The following ATRX variants were observed in gnomAD, a reference collection of about 807,000 sequenced individuals.
ATRX encodes the protein chromatin remodeler ATRX.
ATRX carries 12 observed loss-of-function variants against 172.6 expected under a neutral mutation model. The observed-to-expected ratio is 0.07, with a 90% CI of 0.04 to 0.11. The LOEUF (loss-of-function observed/expected upper bound fraction) is 0.11. Ranked by LOEUF, ATRX falls within the 10% of genes least tolerant of loss-of-function variation. The pLI, the probability that ATRX is intolerant of heterozygous loss-of-function variation, is 1.00. For missense variants in ATRX, 1,368 were observed against 1,767.4 expected (o/e 0.77, Z 4.05); for synonymous variants, 674 against 594.7 (o/e 1.13, Z -1.94).
intron 19 of ATRX, among the ~76,000 whole-genome samples, chrX:77,622,655 A>G (rs1044527476): frequency 9.0e-6 from 1 of 111,612 alleles, no homozygotes; most frequent in Non-Finnish European, 1.9e-5. Context: ...GCGCAAATCC[A>G]GATTGCAGAC....
chrX:77,528,056 C>T (rs1477043437), intron 30 of ATRX, among the ~76,000 whole-genome samples: 1 of 105,564 alleles, frequency 9.5e-6, no homozygotes, highest in Non-Finnish European at 2.0e-5. Context: ...GGGTGGGGGG[C>T]GGCTGATATC....
chrX:77,666,824 C>T (rs1557126490), intron 10 of ATRX, among the ~76,000 whole-genome samples: 1 of 111,476 alleles, frequency 9.0e-6, no homozygotes, highest in African/African-American at 3.3e-5. Context: ...CATGCCATTG[C>T]ACTCCAACCT....
rs2068262609 is a variant in ATRX at position 77,634,646 on chromosome X, G to A, written c.4757C>T (p.Pro1586Leu). The A allele has an allele frequency of 8.3e-7, 1 of 1,211,221 alleles. No individual in the cohort carries two copies. Among genetic ancestry groups the A allele is most frequent in the Admixed American group, 2.2e-5 (1 of 45,995 alleles). The change falls in exon 17 of 35, where the codon CCA becomes CTA. Residue 1586 changes from proline to leucine, a missense_variant. Transcript: ENST00000373344. ...GTGGGCAAGAATGCATCCTGAACCT[G>A]GAGATTTCTTTGTTTTTTTCACAGA... ...CESVKKTKKS[P>L]GSGCILAHCM...
chrX:77,569,138 C>A (rs782547339), intron 28 of ATRX, among the ~76,000 whole-genome samples: 5 of 109,891 alleles, frequency 4.5e-5, no homozygotes, highest in South Asian at 4.0e-4. Context: ...CAAAAACAAC[C>A]CCCCCACCCA....
chrX:77,524,747 CTT>C (rs781866146), intron 30 of ATRX, among the ~76,000 whole-genome samples: 29 of 95,096 alleles, frequency 3.0e-4, no homozygotes, highest in Middle Eastern at 5.1e-3. Context: ...CTTTATAATT[CTT>C]TTTTTTTTTT....
intron 13 of ATRX, among the ~76,000 whole-genome samples, chrX:77,656,219 T>C (rs1366117749): frequency 9.0e-6 from 1 of 111,640 alleles, no homozygotes; most frequent in Non-Finnish European, 1.9e-5. Flanking sequence ...GCATAGATTA[T>C]TTATACAAAC....
In ATRX at chrX:77,746,801, G is replaced by C. The variant is rs1198368844; in HGVS notation, c.21-29558C>G. The stretch of plus-strand genomic sequence containing the variant: ...ATTTTCTAATTGTACATGATTTTTT[G>C]AAAAACCCTTTTTTTGAGATGGAGT... On this transcript the variant is annotated intron_variant, in intron 1 of 34. Coordinates refer to ENST00000373344, the MANE Select transcript of ATRX (RefSeq NM_000489.6). 8.1e-5 allele frequency among the ~76,000 whole-genome samples: 9 copies of C among 111,063 alleles called. No homozygotes were observed. The Admixed American group carries it at 8.6e-4, about 11-fold the overall frequency.
chrX:77,550,395 G>C (rs1282456942), intron 30 of ATRX, among the ~76,000 whole-genome samples: 1 of 111,702 alleles, frequency 9.0e-6, no homozygotes, highest in African/African-American at 3.3e-5. Flanking sequence ...ATGCAGAAAA[G>C]GCCTTTGACA....
intron 2 of ATRX, among the ~76,000 whole-genome samples, chrX:77,708,881 C>A (rs1435115355): frequency 9.0e-6 from 1 of 111,558 alleles, no homozygotes; most frequent in Non-Finnish European, 1.9e-5. Context: ...AATTGTATGG[C>A]ATGTAAATTA....
intron 22 of ATRX, among the ~76,000 whole-genome samples, chrX:77,601,356 A>G (rs2066666160): frequency 9.2e-6 from 1 of 108,370 alleles, no homozygotes. Context: ...ATAGCCCTAG[A>G]TACCCTAGAT....
intron 26 of ATRX, among the ~76,000 whole-genome samples, chrX:77,590,740 C>T (rs782199233): frequency 4.5e-4 from 50 of 111,206 alleles, no homozygotes; most frequent in South Asian, 2.2e-3. Context: ...AACTGCATAC[C>T]TTATGCAAAA....
intron 30 of ATRX, among the ~76,000 whole-genome samples, chrX:77,523,752 T>C (rs782425299): frequency 2.6e-3 from 294 of 111,818 alleles, no homozygotes; most frequent in Non-Finnish European, 4.4e-3. Context: ...AGTGACTATA[T>C]TGGATGCCTG....
chrX:77,654,138 C>T lies in ATRX; in HGVS notation c.4277G>A (p.Arg1426Gln), dbSNP rs1557118717. 8.3e-7 allele frequency: 1 copy of T among 1,210,503 alleles called. No individual in the cohort carries two copies. Among genetic ancestry groups the T allele is most frequent in the Non-Finnish European group, 1.1e-6 (1 of 894,678 alleles). Residue 1426 changes from arginine to glutamine, a missense_variant, in exon 14 of 35, where the codon CGA (arginine) becomes CAA (glutamine). By Grantham distance (43) the Arg-to-Gln change is conservative. This residue lies in a region of ATRX where 119 missense variants were observed against 131.3 expected (regional missense o/e 0.91). Transcript: ENST00000373344. ...QRSYKQKKKR[R>Q]RIKVQEDSSS... ...TGAATCTTCTTGAACCTTAATACGTCGCCTTTTCTTTTTCTGTTTATAGCT... is the reference window on the plus strand; with the variant it reads ...TGAATCTTCTTGAACCTTAATACGTTGCCTTTTCTTTTTCTGTTTATAGCT...
intron 15 of ATRX, among the ~76,000 whole-genome samples, chrX:77,640,850 T>G (rs1379084862): frequency 9.0e-6 from 1 of 111,555 alleles, no homozygotes; most frequent in African/African-American, 3.3e-5. Context: ...AGGATTCACT[T>G]TGAGTCATAG....
intron 9 of ATRX, among the ~76,000 whole-genome samples, chrX:77,679,542 T>C (rs1439991870): frequency 8.9e-6 from 1 of 111,916 alleles, no homozygotes; most frequent in African/African-American, 3.2e-5. Context: ...TAAGGCCTAA[T>C]GAATTCATAT....
chrX:77,754,010 A>G (rs1463641760), intron 1 of ATRX, among the ~76,000 whole-genome samples: 1 of 111,766 alleles, frequency 8.9e-6, no homozygotes, highest in African/African-American at 3.3e-5. Context: ...TGCTTTATGA[A>G]TCTGGGTGCT....
intron 30 of ATRX, among the ~76,000 whole-genome samples, chrX:77,537,662 C>A (rs190123930): frequency 6.5e-4 from 70 of 107,608 alleles, no homozygotes; most frequent in African/African-American, 2.4e-3. Flanking sequence ...TAGTGAGACT[C>A]TATCTCTTAA....
At chrX:77,709,643 G>A (rs1415809470) in intron 2 of ATRX, among the ~76,000 whole-genome samples, 3 of 65,203 alleles carry the variant, frequency 4.6e-5, no homozygotes, top group East Asian at 9.4e-4. Context: ...GTCCAATGGA[G>A]TAAAAAAAAA....
chrX:77,713,148 A>C (rs182585065), intron 2 of ATRX, among the ~76,000 whole-genome samples: 1 of 111,569 alleles, frequency 9.0e-6, no homozygotes, highest in Admixed American at 9.6e-5. Context: ...ACTCCATCTC[A>C]AAAAGAATAA....
Sources: gnomAD v4.1 joint callset for allele counts (sites outside exome capture counted in the v4.1 genomes callset) on GRCh38, gnomAD v4.1.1 for gene constraint, gnomAD v4.1.1 regional missense constraint, MANE v1.5 for transcripts, NCBI Gene and HGNC (gene_info 2026-07-23, HGNC 2026-07-21) for gene names.